Variants in PDE1C observed in about 807,000 individuals in gnomAD.
PDE1C encodes phosphodiesterase 1C.
In PDE1C, 62 loss-of-function variants were observed where a neutral mutation model predicts 93.1. The observed-to-expected ratio is 0.67, with a 90% CI of 0.54 to 0.82. The LOEUF is 0.82. PDE1C is among the 40% of genes least tolerant of loss of function. The pLI is 0.00. For synonymous variants in PDE1C, 325 were observed against 310.1 expected (o/e 1.05, Z -0.50); for missense variants, 742 against 884.6 (o/e 0.84, Z 2.04).
intron 1 of PDE1C, among the ~76,000 whole-genome samples, chr7:32,230,235 C>T (rs1374313430): frequency 6.6e-6 from 1 of 152,172 alleles, no homozygotes; most frequent in Non-Finnish European, 1.5e-5. Context: ...AGTGATGGCC[C>T]CCAAGTGGCA....
At chr7:31,958,009 G>A (rs1036044585) in intron 2 of PDE1C, among the ~76,000 whole-genome samples, 1 of 152,116 alleles carries the variant, frequency 6.6e-6, no homozygotes, top group Non-Finnish European at 1.5e-5. Context: ...TTTTCCACTC[G>A]CTAGGAGTTC....
intron 2 of PDE1C, among the ~76,000 whole-genome samples, chr7:31,972,342 A>G (rs951586879): frequency 6.6e-6 from 1 of 152,218 alleles, no homozygotes; most frequent in Admixed American, 6.5e-5. Context: ...TGCAAACCCT[A>G]TCCTGCAAGT....
intron 3 of PDE1C, among the ~76,000 whole-genome samples, chr7:32,119,031 G>T (rs902251924): frequency 6.6e-6 from 1 of 152,176 alleles, no homozygotes; most frequent in Non-Finnish European, 1.5e-5. Context: ...GGACAGGGAA[G>T]CTGGGAAGCT....
At chr7:32,317,456 G>T (rs747358706) in intron 1 of PDE1C, among the ~76,000 whole-genome samples, 12 of 152,052 alleles carry the variant, frequency 7.9e-5, no homozygotes, top group Non-Finnish European at 1.5e-4. Flanking sequence ...TACTGAGAGG[G>T]TGTAAAATTC....
chr7:32,042,553 C>T (rs2128664309), intron 2 of PDE1C, among the ~76,000 whole-genome samples: 1 of 152,272 alleles, frequency 6.6e-6, no homozygotes, highest in African/African-American at 2.4e-5. Context: ...CAATAGATTT[C>T]AATCAGTAGG....
At chr7:31,800,339 C>A (rs559880602) in intron 16 of PDE1C, among the ~76,000 whole-genome samples, 1 of 151,374 alleles carries the variant, frequency 6.6e-6, no homozygotes, top group Non-Finnish European at 1.5e-5. Context: ...AAAAGAGTTT[C>A]TCTTATATTT....
At chr7:31,743,523 C>T in the PDE1C span, among the ~76,000 whole-genome samples, 2 of 151,868 alleles carry the variant, frequency 1.3e-5, no homozygotes, top group East Asian at 3.9e-4. Flanking sequence ...GTCATAAAAC[C>T]ACATCAGCAT....
At chr7:31,692,038 A>G in the PDE1C span, among the ~76,000 whole-genome samples, 1 of 152,302 alleles carries the variant, frequency 6.6e-6, no homozygotes, top group Middle Eastern at 3.4e-3. Context: ...AGAACTCAAC[A>G]GAAAAAACAT....
intron 14 of PDE1C, among the ~76,000 whole-genome samples, chr7:31,822,468 A>G (rs2128736623): frequency 6.6e-6 from 1 of 152,302 alleles, no homozygotes. Flanking sequence ...CAAATCATAC[A>G]AATTTCCATA....
intron 1 of PDE1C, among the ~76,000 whole-genome samples, chr7:32,238,371 T>A (rs1295215713): frequency 6.6e-6 from 1 of 152,222 alleles, no homozygotes; most frequent in Non-Finnish European, 1.5e-5. Context: ...ATCCTCTTCA[T>A]GAATAGGAAG....
downstream of PDE1C, chr7:31,751,060 G>C (rs373525232): frequency 2.0e-5 from 3 of 152,210 alleles, no homozygotes; most frequent in East Asian, 5.8e-4. Flanking sequence ...GAAGAAAATT[G>C]AAATGGGTAA....
intron 2 of PDE1C, among the ~76,000 whole-genome samples, chr7:32,207,316 A>G (rs1182002421): frequency 1.3e-5 from 2 of 151,878 alleles, no homozygotes; most frequent in African/African-American, 4.8e-5. Flanking sequence ...TGTTGGACGC[A>G]AAAATTAGAG....
At chr7:31,952,671 C>T (rs1807548909) in intron 2 of PDE1C, among the ~76,000 whole-genome samples, 1 of 152,186 alleles carries the variant, frequency 6.6e-6, no homozygotes, top group Admixed American at 6.5e-5. Context: ...CCTCTCTCTG[C>T]TTCAAGTTCC....
intron 9 of PDE1C, among the ~76,000 whole-genome samples, chr7:31,840,524 C>A (rs545498306): frequency 2.0e-5 from 3 of 151,982 alleles, no homozygotes; most frequent in African/African-American, 7.2e-5. Context: ...ATCTGAGAAA[C>A]CGCCACCTAC....
intron 2 of PDE1C, among the ~76,000 whole-genome samples, chr7:32,002,880 T>C (rs938761073): frequency 6.6e-6 from 1 of 152,198 alleles, no homozygotes; most frequent in Non-Finnish European, 1.5e-5. Context: ...GTTTAAATCA[T>C]TTGGACTAAC....
intron 1 of PDE1C, among the ~76,000 whole-genome samples, chr7:32,283,967 C>T (rs17161134): frequency 0.14 from 21,857 of 152,160 alleles, 1,714 homozygotes; most frequent in East Asian, 0.31. Flanking sequence ...TAAATACTAC[C>T]TTGATCAACA....
At chr7:31,815,165 C>T (rs1310296447) in intron 15 of PDE1C, among the ~76,000 whole-genome samples, 1 of 152,132 alleles carries the variant, frequency 6.6e-6, no homozygotes, top group Non-Finnish European at 1.5e-5. Flanking sequence ...TTTCTCTGCA[C>T]ATGTTCCTCG....
At chr7:32,280,182 T>C (rs187041594) in intron 1 of PDE1C, among the ~76,000 whole-genome samples, 1 of 152,310 alleles carries the variant, frequency 6.6e-6, no homozygotes, top group East Asian at 1.9e-4. Flanking sequence ...ACACAAGATA[T>C]TGTAAATTTG....
At chr7:31,821,286 T>C (rs754054903) in intron 14 of PDE1C, among the ~76,000 whole-genome samples, 9 of 152,184 alleles carry the variant, frequency 5.9e-5, no homozygotes, top group Non-Finnish European at 1.2e-4. Flanking sequence ...CCATACCAAA[T>C]GCATTTAAAA....
Sources: allele counts gnomAD v4.1 joint callset (sites outside exome capture counted in the v4.1 genomes callset), GRCh38; gene constraint gnomAD v4.1.1; transcripts MANE v1.5; gene names NCBI Gene and HGNC (gene_info 2026-07-23, HGNC 2026-07-21).